Variants in ZNF677 observed in about 807,000 individuals in gnomAD.
ZNF677 encodes hypothetical protein MGC48625.
A neutral mutation model predicts 8.1 loss-of-function variants in ZNF677; 5 were observed. That is an observed-to-expected ratio of 0.62 (90% CI 0.32 to 1.29). The LOEUF is 1.29. Among genes scored for constraint, ZNF677 ranks in the 50% most tolerant of loss-of-function variants. ZNF677 has a pLI of 0.05. For missense variants in ZNF677, 685 were observed against 685.9 expected, an observed-to-expected ratio of 1.00 and a Z score of 0.01; for synonymous variants, 221 against 225.6, an observed-to-expected ratio of 0.98 and a Z score of 0.18.
chr19:53,237,064 T>C lies in ZNF677; in HGVS notation c.1663A>G (p.Ser555Gly). 1 of 1,611,948 alleles carries C rather than the reference T, an allele frequency of 6.2e-7. No homozygotes were observed. The highest frequency in any genetic ancestry group is 8.5e-7 in the Non-Finnish European group (1 of 1,179,302). ...TTTTGATGATCTCCAAGGTTTGAAC[T>C]TTGGAATAAAGCATTACCATGTATA... ...HNIHGNALFQ[S>G]SNLGDHQKSY... is the part of the protein sequence containing the mutation. Residue 555 changes from serine to glycine, a missense_variant, in exon 5 of 5, where the codon AGT becomes GGT. Ser to Gly is a moderately conservative substitution (Grantham distance 56). Coordinates refer to ENST00000598513, the MANE Select transcript of ZNF677 (RefSeq NM_182609.4).
intron 3 of ZNF677, among the ~76,000 whole-genome samples, chr19:53,244,904 C>T (rs538556970): frequency 2.6e-5 from 4 of 152,128 alleles, no homozygotes; most frequent in African/African-American, 4.8e-5. Context: ...AATAGACACA[C>T]AAAACAAAAG....
intron 4 of ZNF677, chr19:53,241,241 C>A (rs1198184672): frequency 6.6e-6 from 1 of 152,064 alleles, no homozygotes; most frequent in Non-Finnish European, 1.5e-5. Flanking sequence ...CATGGCCCCA[C>A]ACACTGTAGA....
intron 2 of ZNF677, 66 bp downstream of exon 2, chr19:53,253,020 A>T (rs1232929029): frequency 6.6e-6 from 1 of 152,220 alleles, no homozygotes; most frequent in African/African-American, 2.4e-5. Context: ...GTATTCTTAT[A>T]AAAAAGTAAG....
chr19:53,244,722 GAC>G (rs1344645924), intron 3 of ZNF677, among the ~76,000 whole-genome samples: 1 of 152,096 alleles, frequency 6.6e-6, no homozygotes, highest in Non-Finnish European at 1.5e-5. Context: ...AAATCACAGT[GAC>G]ACTTTTTACA....
chr19:53,253,466 T>C (rs2091266156), intron 1 of ZNF677, among the ~76,000 whole-genome samples: 1 of 152,066 alleles, frequency 6.6e-6, no homozygotes, highest in Non-Finnish European at 1.5e-5. Context: ...CGGAGACAGA[T>C]CACCTGAGGT....
intron 3 of ZNF677, 36 bp downstream of exon 3, chr19:53,251,500 G>T: frequency 6.3e-7 from 1 of 1,581,176 alleles, no homozygotes; most frequent in Non-Finnish European, 8.7e-7. Flanking sequence ...TCAGGAAGGA[G>T]AGGACAAAAC....
intron 2 of ZNF677, among the ~76,000 whole-genome samples, chr19:53,252,343 C>G (rs1789724206): frequency 6.6e-6 from 1 of 152,156 alleles, no homozygotes; most frequent in African/African-American, 2.4e-5. Context: ...CCCATCATCT[C>G]CACGTTACAG....
chr19:53,237,984 A>G lies in ZNF677; in HGVS notation c.743T>C (p.Leu248Ser), dbSNP rs1329062992. ...TGTTCTCCCATACTGTGTATGTAAT[A>G]AAGGGTATTTCAAAATCTTCCTATA... ...NKYRKILKYP[L>S]LHTQYGRTHI... Residue 248 changes from leucine to serine, a missense_variant, in exon 5 of 5, where the codon TTA (leucine) becomes TCA (serine). By Grantham distance (145) the Leu-to-Ser change is moderately radical. Coordinates refer to ENST00000598513, the MANE Select transcript of ZNF677 (RefSeq NM_182609.4). 6 of 1,612,956 alleles carry G rather than the reference A, an allele frequency of 3.7e-6. No individual in the cohort carries two copies. The South Asian group carries it at 4.4e-5, about 12-fold the overall frequency.
intron 3 of ZNF677, among the ~76,000 whole-genome samples, chr19:53,247,180 T>C (rs533479855): frequency 1.3e-5 from 2 of 152,342 alleles, no homozygotes; most frequent in South Asian, 4.1e-4. Flanking sequence ...TGGCCTGACA[T>C]GTGGTCCATC....
In ZNF677 at chr19:53,236,921, T is replaced by G. The variant is rs1345699735; in HGVS notation, c.*51A>C. ...GAGACATAAGCCATAGCTAAAGGCT[T>G]TACCACATTTTCGTTTTATATGGTT... On this transcript the variant is annotated 3_prime_UTR_variant, in exon 5 of 5. Coordinates refer to ENST00000598513, the MANE Select transcript of ZNF677 (RefSeq NM_182609.4). The G allele has an allele frequency of 6.0e-6, 9 of 1,491,402 alleles. No individual in the cohort carries two copies. The highest frequency in any genetic ancestry group is 8.0e-6 in the Non-Finnish European group (9 of 1,119,090). The allele number at this position is 1,491,402 out of a possible 1,614,324, so 92.4% of individuals were successfully genotyped here.
At chr19:53,254,445 C>T (rs906519364) in intron 1 of ZNF677, among the ~76,000 whole-genome samples, 1 of 152,202 alleles carries the variant, frequency 6.6e-6, no homozygotes, top group African/African-American at 2.4e-5. Flanking sequence ...CCCTCTTTAT[C>T]CTCCATTTCT....
At chr19:53,238,791 TA>T in intron 4 of ZNF677, 1 of 340,072 alleles carries the variant, frequency 2.9e-6, no homozygotes, top group South Asian at 5.5e-5. Context: ...ACCCTATAGC[TA>T]AAACACTCAT....
At position 53,252,452 on chromosome 19, in the gene ZNF677, A is replaced by C. The variant is rs910097320; in HGVS notation, c.-56+634T>G. Among the ~76,000 whole-genome samples, 15 of 152,298 alleles carry C rather than the reference A, an allele frequency of 9.8e-5. No homozygotes were observed. The East Asian group carries it at 2.5e-3, about 25-fold the overall frequency. On this transcript the variant is annotated intron_variant, in intron 2 of 4. Coordinates refer to ENST00000598513, the MANE Select transcript of ZNF677 (RefSeq NM_182609.4). The stretch of plus-strand genomic sequence containing the variant: ...GAACTCAGTTGTAAATGAATGTTGA[A>C]ATGGTGGCCTGGATAGGGCAGTAGC...
Position 53,236,479 on chromosome 19 carries a change from CTG to C in ZNF677, c.*491_*492del, listed in dbSNP as rs1370985628. ...TGAGTTTGTGACTTTTTAAAATTGT[CTG>C]TGAATTTAACATCAATCACTTAATC... On this transcript the variant is annotated 3_prime_UTR_variant, in exon 5 of 5. Coordinates refer to ENST00000598513, the MANE Select transcript of ZNF677 (RefSeq NM_182609.4). 2 of 152,570 alleles carry C rather than the reference CTG, an allele frequency of 1.3e-5. No homozygotes were observed. The highest frequency in any genetic ancestry group is 4.8e-5 in the African/African-American group (2 of 41,452). 9.5% of individuals were successfully genotyped at this position (152,570 alleles called of 1,614,324 possible).
Position 53,237,272 on chromosome 19 carries a change from T to C in ZNF677, c.1455A>G (p.Lys485=), listed in dbSNP as rs2090981097. 3.7e-6 allele frequency: 6 copies of C among 1,613,642 alleles called. No homozygotes were observed. The highest frequency in any genetic ancestry group is 1.3e-5 in the African/African-American group (1 of 74,884). The change falls in exon 5 of 5, where the codon AAA becomes AAG. Residue 485 remains lysine (K), a synonymous_variant. Transcript: ENST00000598513. ...TGCCACATTCAGTACATTTGTAAGG[T>C]TTCTCTCCAGTATGAGTTCTCTGAT... ...WGHQRTHTGE[K]PYKCTECGKA...
chr19:53,243,536 G>T, intron 4 of ZNF677: 1 of 616,668 alleles, frequency 1.6e-6, no homozygotes, highest in Non-Finnish European at 2.8e-6. Flanking sequence ...TGATATTCTG[G>T]AACCACCACT....
chr19:53,241,579 G>T, intron 4 of ZNF677: 1 of 354,704 alleles, frequency 2.8e-6, no homozygotes. Flanking sequence ...TGTACTGCTG[G>T]CTCCAAGAGG....
intron 2 of ZNF677, 100 bp from the exon 3 acceptor site, chr19:53,251,705 C>T (rs2091236780): frequency 1.3e-6 from 1 of 766,194 alleles, no homozygotes; most frequent in African/African-American, 1.8e-5. Context: ...AAAAGATGGT[C>T]CTTAGCTTCC....
chr19:53,251,857 T>C, intron 2 of ZNF677, among the ~76,000 whole-genome samples: 1 of 152,198 alleles, frequency 6.6e-6, no homozygotes, highest in East Asian at 1.9e-4. Flanking sequence ...TTGTCCTTTG[T>C]CCACCTGACA....
Sources: gnomAD v4.1 joint callset for allele counts (sites outside exome capture counted in the v4.1 genomes callset) on GRCh38, gnomAD v4.1.1 for gene constraint, MANE v1.5 for transcripts, NCBI Gene and HGNC (gene_info 2026-07-23, HGNC 2026-07-21) for gene names.